ZBTB20: variants seen among roughly 807,000 people sequenced by gnomAD.
ZBTB20 encodes the protein zinc finger and BTB domain containing 20, also known as zinc finger and BTB domain-containing protein 20.
Under a neutral mutation model 56.9 loss-of-function variants are expected in ZBTB20, and 9 were observed. That is an observed-to-expected ratio of 0.16 (90% CI 0.10 to 0.28). The LOEUF (loss-of-function observed/expected upper bound fraction) is 0.28. ZBTB20 is among the 10% of genes least tolerant of loss of function. The pLI, the probability that ZBTB20 is intolerant of heterozygous loss-of-function variation, is 1.00. For synonymous variants in ZBTB20, 417 were observed against 420.7 expected (o/e 0.99, Z 0.11); for missense variants, 655 against 1,003.0 (o/e 0.65, Z 4.69).
chr3:114,371,528 G>A (rs1243312676), intron 10 of ZBTB20, among the ~76,000 whole-genome samples: 10 of 152,312 alleles, frequency 6.6e-5, no homozygotes, highest in African/African-American at 2.4e-4. Flanking sequence ...AAGACTCTAA[G>A]TCTCTGAGCC....
intron 2 of ZBTB20, among the ~76,000 whole-genome samples, chr3:115,055,996 T>TA (rs1302745303): frequency 6.6e-6 from 1 of 152,078 alleles, no homozygotes; most frequent in Admixed American, 6.6e-5. Context: ...AAAACATCTT[T>TA]AGAGTAAATA....
intron 6 of ZBTB20, among the ~76,000 whole-genome samples, chr3:114,567,519 A>T (rs2052918644): frequency 1.3e-5 from 2 of 152,196 alleles, no homozygotes; most frequent in Admixed American, 1.3e-4. Context: ...TTACACATGC[A>T]TCTATGTAAT....
At chr3:115,086,181 C>T (rs1400323998) in intron 1 of ZBTB20, among the ~76,000 whole-genome samples, 1 of 151,744 alleles carries the variant, frequency 6.6e-6, no homozygotes, top group East Asian at 1.9e-4. Flanking sequence ...CCCGGGATTA[C>T]CTAAACTAAC....
chr3:114,559,397 T>C (rs2051699632), intron 6 of ZBTB20, among the ~76,000 whole-genome samples: 1 of 152,218 alleles, frequency 6.6e-6, no homozygotes, highest in African/African-American at 2.4e-5. Context: ...TAAATACGTA[T>C]TGCACAATTC....
chr3:114,576,789 A>AG, intron 6 of ZBTB20, among the ~76,000 whole-genome samples: 1 of 18,004 alleles, frequency 5.6e-5, no homozygotes, highest in African/African-American at 6.3e-5. Context: ...ACACATCAAA[A>AG]AAGACAGAGA....
chr3:114,361,824 A>G (rs1454827569), intron 10 of ZBTB20, among the ~76,000 whole-genome samples: 2 of 152,202 alleles, frequency 1.3e-5, no homozygotes, highest in Non-Finnish European at 2.9e-5. Flanking sequence ...GAGGCTGGAC[A>G]TAAAAAGGCA....
At chr3:114,905,400 T>C (rs2075283923) in intron 3 of ZBTB20, among the ~76,000 whole-genome samples, 1 of 151,900 alleles carries the variant, frequency 6.6e-6, no homozygotes, top group Non-Finnish European at 1.5e-5. Flanking sequence ...GAATCTGATA[T>C]CCTGTGTCTA....
chr3:114,957,262 G>C (rs1378013237), intron 3 of ZBTB20, among the ~76,000 whole-genome samples: 1 of 152,122 alleles, frequency 6.6e-6, no homozygotes, highest in African/African-American at 2.4e-5. Context: ...CACACTGTCA[G>C]TGCTCTTGAA....
chr3:114,774,018 T>C (rs1404054786), intron 5 of ZBTB20, among the ~76,000 whole-genome samples: 2 of 152,222 alleles, frequency 1.3e-5, no homozygotes, highest in Admixed American at 6.5e-5. Flanking sequence ...TTATTTCCAA[T>C]GATTTTCGGC....
chr3:114,501,046 C>G (rs1330816082), intron 6 of ZBTB20, among the ~76,000 whole-genome samples: 1 of 152,202 alleles, frequency 6.6e-6, no homozygotes, highest in Non-Finnish European at 1.5e-5. Flanking sequence ...AGAAGTTCCT[C>G]TGAACAAATT....
At chr3:114,497,641 C>T (rs577711389) in intron 7 of ZBTB20, among the ~76,000 whole-genome samples, 6 of 152,278 alleles carry the variant, frequency 3.9e-5, no homozygotes, top group East Asian at 1.9e-4. Context: ...CCTCTTACTA[C>T]GTCTTGTATA....
At chr3:114,419,728 A>T (rs1012142338) in intron 7 of ZBTB20, among the ~76,000 whole-genome samples, 3 of 152,194 alleles carry the variant, frequency 2.0e-5, no homozygotes, top group African/African-American at 7.2e-5. Context: ...ACAATTATAC[A>T]ATCTACGTTG....
At chr3:114,650,834 C>T (rs1272651978) in intron 6 of ZBTB20, among the ~76,000 whole-genome samples, 1 of 151,880 alleles carries the variant, frequency 6.6e-6, no homozygotes, top group Non-Finnish European at 1.5e-5. Flanking sequence ...ACATTTTAAA[C>T]ACTGAAAAAT....
At chr3:114,492,465 T>C (rs1423874469) in intron 7 of ZBTB20, among the ~76,000 whole-genome samples, 1 of 152,192 alleles carries the variant, frequency 6.6e-6, no homozygotes, top group East Asian at 1.9e-4. Flanking sequence ...CAGGAGTCAT[T>C]GTTGCCACTT....
rs569717386 is a variant in ZBTB20, at chr3:114,541,148, T to C, written c.-294-40757A>G. On this transcript the variant is annotated intron_variant, in intron 6 of 11. Coordinates refer to ENST00000675478, the MANE Select transcript of ZBTB20 (RefSeq NM_001348800.3). Reference sequence around the variant, plus strand: ...CCCTTTTGATTATTTTAGCAAAAAATAATACAAAAAATTGATTACAACCAT... The same window carrying C: ...CCCTTTTGATTATTTTAGCAAAAAACAATACAAAAAATTGATTACAACCAT... 2.0e-5 allele frequency among the ~76,000 whole-genome samples: 3 copies of C among 152,186 alleles called. No homozygotes were observed. The East Asian group carries it at 5.8e-4, about 29-fold the overall frequency.
chr3:114,593,724 A>G (rs1361346827), intron 6 of ZBTB20, among the ~76,000 whole-genome samples: 1 of 152,158 alleles, frequency 6.6e-6, no homozygotes, highest in Non-Finnish European at 1.5e-5. Flanking sequence ...GACTAAAAAC[A>G]TATAACTGGT....
At chr3:114,567,159 A>G (rs143583606) in intron 6 of ZBTB20, among the ~76,000 whole-genome samples, 289 of 152,128 alleles carry the variant, frequency 1.9e-3, no homozygotes, top group African/African-American at 6.7e-3. Flanking sequence ...TGCACATGTT[A>G]TTGTGTGACT....
intron 7 of ZBTB20, among the ~76,000 whole-genome samples, chr3:114,491,046 T>C (rs1009141888): frequency 1.3e-5 from 2 of 152,178 alleles, no homozygotes; most frequent in Non-Finnish European, 2.9e-5. Flanking sequence ...GATGGTGTCT[T>C]ACTCACCTCT....
intron 7 of ZBTB20, among the ~76,000 whole-genome samples, chr3:114,434,541 G>GGGGGTGTGTGTGTGTGTTT (rs1553711977): frequency 1.2e-5 from 1 of 85,736 alleles, no homozygotes; most frequent in South Asian, 4.2e-4. Context: ...CTGCAATTGG[G>GGGGGTGTGTGTGTGTGTTT]GTGTGTGTGT....
Sources: gnomAD v4.1 joint callset for allele counts (sites outside exome capture counted in the v4.1 genomes callset) on GRCh38, gnomAD v4.1.1 for gene constraint, MANE v1.5 for transcripts, NCBI Gene and HGNC (gene_info 2026-07-23, HGNC 2026-07-21) for gene names.